The following ADAMTSL1 variants were observed in gnomAD, a reference collection of about 807,000 sequenced individuals.
ADAMTSL1 encodes the protein ADAMTS-like protein 1.
A neutral mutation model predicts 201.8 loss-of-function variants in ADAMTSL1; 126 were observed. That is an observed-to-expected ratio of 0.62 (90% confidence interval 0.54 to 0.72). The LOEUF (loss-of-function observed/expected upper bound fraction) is 0.72, where lower values mean the gene tolerates loss of function less well. Among genes scored for constraint, ADAMTSL1 ranks in the 30% least tolerant of loss-of-function variants. The probability of loss-of-function intolerance (pLI) is 0.00; values close to 1 mark genes in which losing one functional copy is unlikely to be tolerated. For synonymous variants in ADAMTSL1, 1,121 were observed against 903.4 expected (o/e 1.24, Z -4.32); for missense variants, 2,679 against 2,277.8 (o/e 1.18, Z -3.59).
chr9:18,573,365 G>A (rs969346701), intron 3 of ADAMTSL1: 2 of 154,814 alleles, frequency 1.3e-5, no homozygotes, highest in African/African-American at 4.8e-5. Flanking sequence ...TAGAATAGGG[G>A]CAATAACTCT....
intron 1 of ADAMTSL1, among the ~76,000 whole-genome samples, chr9:18,072,300 T>C (rs1396331265): frequency 6.6e-6 from 1 of 152,212 alleles, no homozygotes; most frequent in African/African-American, 2.4e-5. Context: ...GCCTCATTGC[T>C]GAGGGTGCAG....
At chr9:18,884,981 T>C (rs929967803) in intron 23 of ADAMTSL1, among the ~76,000 whole-genome samples, 4 of 152,212 alleles carry the variant, frequency 2.6e-5, no homozygotes, top group Non-Finnish European at 5.9e-5. Context: ...ATGAGTAGTA[T>C]TGACATCCTA....
intron 1 of ADAMTSL1, among the ~76,000 whole-genome samples, chr9:17,988,697 T>G (rs1235842565): frequency 1.3e-5 from 2 of 152,048 alleles, no homozygotes; most frequent in African/African-American, 2.4e-5. Flanking sequence ...TCTCCTCTGC[T>G]GATGTCAGCA....
chr9:18,457,031 T>C (rs1820632657), intron 2 of ADAMTSL1, among the ~76,000 whole-genome samples: 2 of 152,150 alleles, frequency 1.3e-5, no homozygotes, highest in South Asian at 4.1e-4. Context: ...AGTATGCAAT[T>C]TTTTGTTTTG....
intron 15 of ADAMTSL1, among the ~76,000 whole-genome samples, chr9:18,727,193 A>G (rs943692326): frequency 9.9e-5 from 15 of 152,220 alleles, no homozygotes; most frequent in African/African-American, 3.6e-4. Context: ...AATTTATTTG[A>G]TGGAGCTTTC....
rs528451161 is a variant in ADAMTSL1 at position 17,911,868 on chromosome 9, A to G, written c.87+4946A>G. Among the ~76,000 whole-genome samples the G allele has an allele frequency of 1.1e-4, 4 of 35,420 alleles. 1 individual carries two copies. In the South Asian group the frequency reaches 0.014, roughly 120 times the overall value. The allele number at this position is 35,420 out of a possible 152,430, so 23.2% of individuals were successfully genotyped here. ...ACCCCACAACAGTCCCTAGAGTGTG[A>G]TGTTCCCCTTCCTGTGTCCATGTGT... On this transcript the variant is annotated intron_variant, in intron 1 of 29. Coordinates refer to the ADAMTSL1 transcript ENST00000680146.
intron 2 of ADAMTSL1, among the ~76,000 whole-genome samples, chr9:18,302,548 C>T (rs571972814): frequency 3.7e-4 from 56 of 152,288 alleles, no homozygotes; most frequent in African/African-American, 1.3e-3. Flanking sequence ...AAGGCCTAAA[C>T]TCAAAATGCT....
Position 18,770,511 on chromosome 9 carries a change from T to C in ADAMTSL1, c.2218-91T>C, listed in dbSNP as rs1019964374. On this transcript the variant is annotated intron_variant, in intron 16 of 28. Transcript: ENST00000380548. ...CTTCTTCTGGATTTTTTTTTCTTCC[T>C]TTACTCTGCCAAATTAAGATAAGAA... The C allele has an allele frequency of 3.0e-6, 4 of 1,326,978 alleles. No individual in the cohort carries two copies. The African/African-American group carries it at 5.9e-5, about 20-fold the overall frequency. The allele number at this position is 1,326,978 out of a possible 1,614,324, so 82.2% of individuals were successfully genotyped here.
At chr9:18,584,315 T>C (rs1166298196) in intron 4 of ADAMTSL1, among the ~76,000 whole-genome samples, 1 of 151,474 alleles carries the variant, frequency 6.6e-6, no homozygotes, top group Non-Finnish European at 1.5e-5. Context: ...GCTCTCTTCT[T>C]TTGTCTGCCA....
chr9:18,293,801 A>T (rs907819748), intron 2 of ADAMTSL1, among the ~76,000 whole-genome samples: 1 of 152,174 alleles, frequency 6.6e-6, no homozygotes, highest in East Asian at 1.9e-4. Context: ...AGTTCTAGAG[A>T]CTGCATGAGT....
At chr9:18,177,144 G>C (rs1828204827) in intron 2 of ADAMTSL1, among the ~76,000 whole-genome samples, 1 of 152,196 alleles carries the variant, frequency 6.6e-6, no homozygotes, top group Non-Finnish European at 1.5e-5. Context: ...TGTAGGACCA[G>C]TTACCAGTGC....
chr9:18,740,026 A>C (rs1184833891), intron 15 of ADAMTSL1, among the ~76,000 whole-genome samples: 1 of 152,176 alleles, frequency 6.6e-6, no homozygotes, highest in African/African-American at 2.4e-5. Flanking sequence ...AGACAGAGAC[A>C]GGGAGATCTC....
intron 2 of ADAMTSL1, among the ~76,000 whole-genome samples, chr9:18,417,928 C>CTA (rs1449708389): frequency 6.6e-6 from 1 of 152,080 alleles, no homozygotes; most frequent in Non-Finnish European, 1.5e-5. Context: ...AAAAATAACA[C>CTA]TATAGAGCAC....
chr9:18,422,570 T>A (rs1339599496), intron 2 of ADAMTSL1, among the ~76,000 whole-genome samples: 1 of 152,138 alleles, frequency 6.6e-6, no homozygotes, highest in African/African-American at 2.4e-5. Context: ...TTCTTGTATT[T>A]CACCACGCAC....
chr9:18,400,510 C>T (rs1817945950), intron 2 of ADAMTSL1, among the ~76,000 whole-genome samples: 1 of 152,082 alleles, frequency 6.6e-6, no homozygotes, highest in South Asian at 2.1e-4. Context: ...TATAGTATTG[C>T]TATGTTTGTG....
At chr9:18,482,820 T>TG (rs1821795824) in intron 1 of ADAMTSL1, among the ~76,000 whole-genome samples, 1 of 152,196 alleles carries the variant, frequency 6.6e-6, no homozygotes, top group African/African-American at 2.4e-5. Context: ...ACTGTTCAGG[T>TG]GTGCTTAAGT....
intron 1 of ADAMTSL1, among the ~76,000 whole-genome samples, chr9:18,042,880 C>G (rs190278590): frequency 2.1e-4 from 32 of 152,194 alleles, no homozygotes; most frequent in African/African-American, 7.7e-4. Context: ...TTGTAATTGT[C>G]AAGACCTCTG....
chr9:18,889,824 C>T, intron 25 of ADAMTSL1, 76 bp downstream of exon 25: 1 of 1,366,154 alleles, frequency 7.3e-7, no homozygotes, highest in Non-Finnish European at 9.5e-7. Flanking sequence ...CAGTGGCCAG[C>T]CCTTCAGTAG....
rs75370796 is a variant in ADAMTSL1, at chr9:18,702,695, C to T, written c.1575-4052C>T. 7.9e-5 allele frequency among the ~76,000 whole-genome samples: 12 copies of T among 152,186 alleles called. No individual in the cohort carries two copies. The East Asian group carries it at 2.3e-3, about 29-fold the overall frequency. On this transcript the variant is annotated intron_variant, in intron 13 of 28. Coordinates refer to ENST00000380548, the MANE Select transcript of ADAMTSL1 (RefSeq NM_001040272.6). Reference sequence around the variant, plus strand: ...ATATCAGTTACTTGTGAAGTTTACACCCATCTTTTAAAGAAATAATTTGTC... The same window carrying T: ...ATATCAGTTACTTGTGAAGTTTACATCCATCTTTTAAAGAAATAATTTGTC...
Sources: allele counts gnomAD v4.1 joint callset (sites outside exome capture counted in the v4.1 genomes callset), GRCh38; gene constraint gnomAD v4.1.1; transcripts MANE v1.5; gene names NCBI Gene and HGNC (gene_info 2026-07-23, HGNC 2026-07-21).